Variants in CNTNAP5 observed in about 807,000 individuals in gnomAD.
CNTNAP5 encodes the protein contactin-associated protein-like 5.
In CNTNAP5, 72 loss-of-function variants were observed where a neutral mutation model predicts 150.2. That is an observed-to-expected ratio of 0.48 (90% confidence interval 0.40 to 0.58). The LOEUF is 0.58. Among genes scored for constraint, CNTNAP5 ranks in the 20% least tolerant of loss-of-function variants. The probability of loss-of-function intolerance (pLI) is 0.00; values close to 1 mark genes in which losing one functional copy is unlikely to be tolerated. For missense variants in CNTNAP5, 1,636 were observed against 1,626.2 expected (o/e 1.01, Z -0.10); for synonymous variants, 672 against 619.8 (o/e 1.08, Z -1.25).
rs757702932 is a variant in CNTNAP5 at position 124,504,344 on chromosome 2, T to C, written c.1115T>C (p.Val372Ala). Residue 372 changes from valine (V) to alanine (A), a missense_variant, in exon 8 of 24, where the codon GTC becomes GCC. Val to Ala is a moderately conservative substitution (Grantham distance 64, BLOSUM62 0). Coordinates refer to ENST00000682447, the MANE Select transcript of CNTNAP5 (RefSeq NM_001367498.1). The part of the protein sequence containing the change: ...SEPQIVPITF[V>A]NSSGSYLLLP... ...CCACAGATTGTGCCCATCACATTTG[T>C]CAACTCCAGCGGCAGCTATTTGCTG... is the stretch of plus-strand genomic sequence containing the variant. The C allele has an allele frequency of 6.2e-7, 1 of 1,613,956 alleles. No homozygotes were observed. Among genetic ancestry groups the C allele is most frequent in the Middle Eastern group, 1.6e-4 (1 of 6,062 alleles).
In CNTNAP5 at chr2:124,893,566, C is replaced by T. The variant is rs148562525; in HGVS notation, c.3437-9316C>T. Among the ~76,000 whole-genome samples, 291 of 152,122 alleles carry T rather than the reference C, an allele frequency of 1.9e-3. 2 individuals are homozygous for T. Among genetic ancestry groups the T allele is most frequent in the African/African-American group, 6.7e-3 (278 of 41,508 alleles). ...GGTGGAAGCTCCATAATTAGTGTCT[C>T]CTAGTATTATTATGGAGCAATAACT... On this transcript the variant is annotated intron_variant, in intron 21 of 23. Transcript: ENST00000682447.
intron 3 of CNTNAP5, among the ~76,000 whole-genome samples, chr2:124,262,450 A>T (rs779976): frequency 0.33 from 50,710 of 152,042 alleles, 8,841 homozygotes; most frequent in Admixed American, 0.41. Flanking sequence ...CTTTGCTAAC[A>T]TTGCTATTGC....
intron 18 of CNTNAP5, among the ~76,000 whole-genome samples, chr2:124,797,807 G>C (rs779654652): frequency 3.9e-5 from 6 of 152,230 alleles, no homozygotes; most frequent in African/African-American, 9.6e-5. Flanking sequence ...TTATTTTGCA[G>C]ATGTATGTAG....
intron 10 of CNTNAP5, among the ~76,000 whole-genome samples, chr2:124,537,586 G>A (rs957636249): frequency 3.5e-4 from 53 of 152,080 alleles, no homozygotes; most frequent in African/African-American, 1.2e-3. Context: ...CAGGCTTCAA[G>A]CTGACTTTGT....
intron 14 of CNTNAP5, among the ~76,000 whole-genome samples, chr2:124,753,717 G>A (rs1470194058): frequency 6.6e-6 from 1 of 152,136 alleles, no homozygotes. Context: ...TTTATTCACT[G>A]ATGGACGCTG....
chr2:124,566,162 T>A (rs1349647832), intron 11 of CNTNAP5, among the ~76,000 whole-genome samples: 1 of 151,748 alleles, frequency 6.6e-6, no homozygotes, highest in Non-Finnish European at 1.5e-5. Context: ...CTGTCCAGAT[T>A]GTAACGTCAG....
chr2:124,822,537 A>C (rs554471636), intron 19 of CNTNAP5, among the ~76,000 whole-genome samples: 1 of 152,344 alleles, frequency 6.6e-6, no homozygotes, highest in Admixed American at 6.5e-5. Context: ...AACGAGATGT[A>C]CTATTGCCAT....
chr2:124,102,688 G>A lies in CNTNAP5; in HGVS notation c.82+76956G>A, dbSNP rs144838548. Reference sequence around the variant, plus strand: ...GAGTCTCCTCCTCCCGGGAAAGCTGGTTTCTCCATCTGCGCTTGTGAACCC... The same window carrying A: ...GAGTCTCCTCCTCCCGGGAAAGCTGATTTCTCCATCTGCGCTTGTGAACCC... On this transcript the variant is annotated intron_variant, in intron 1 of 23. Coordinates refer to ENST00000682447, the MANE Select transcript of CNTNAP5 (RefSeq NM_001367498.1). 3.0e-4 allele frequency among the ~76,000 whole-genome samples: 46 copies of A among 152,288 alleles called. 1 individual carries two copies. The East Asian group carries it at 8.5e-3, about 28-fold the overall frequency.
In CNTNAP5 at chr2:124,239,493, A is replaced by G. The variant is rs549537099; in HGVS notation, c.188-2707A>G. ...AGCATCAGCTCCCAAATTGCTGTAC[A>G]TATTCTTTACGCAATAAATCACATA... On this transcript the variant is annotated intron_variant, in intron 2 of 23. Coordinates refer to ENST00000682447, the MANE Select transcript of CNTNAP5 (RefSeq NM_001367498.1). Among the ~76,000 whole-genome samples, 14 of 152,316 alleles carry G rather than the reference A, an allele frequency of 9.2e-5. No individual in the cohort carries two copies. In the East Asian group the frequency reaches 2.5e-3, roughly 27 times the overall value.
At chr2:124,079,721 G>A (rs1055987419) in intron 1 of CNTNAP5, among the ~76,000 whole-genome samples, 2 of 152,172 alleles carry the variant, frequency 1.3e-5, no homozygotes, top group Admixed American at 1.3e-4. Context: ...GCATGCGTGT[G>A]TATGTATACG....
chr2:124,676,711 G>A (rs1377398415), intron 13 of CNTNAP5, among the ~76,000 whole-genome samples: 1 of 152,174 alleles, frequency 6.6e-6, no homozygotes, highest in African/African-American at 2.4e-5. Flanking sequence ...GGTTTTCGAG[G>A]CTGCCATGGA....
chr2:124,911,793 C>T (rs915014355), intron 23 of CNTNAP5, among the ~76,000 whole-genome samples: 3 of 152,098 alleles, frequency 2.0e-5, no homozygotes, highest in African/African-American at 7.2e-5. Context: ...ACAGCTGGAG[C>T]ATTTACTTAC....
At chr2:124,302,968 G>A (rs907108011) in intron 3 of CNTNAP5, among the ~76,000 whole-genome samples, 2 of 152,114 alleles carry the variant, frequency 1.3e-5, no homozygotes, top group African/African-American at 2.4e-5. Flanking sequence ...GTTGCTCTTT[G>A]TTTTTTGTAT....
intron 1 of CNTNAP5, among the ~76,000 whole-genome samples, chr2:124,121,670 C>G (rs768876865): frequency 6.6e-6 from 1 of 152,090 alleles, no homozygotes; most frequent in African/African-American, 2.4e-5. Flanking sequence ...TTTTAAGACA[C>G]GAGACGTACC....
chr2:124,571,242 G>T (rs1696145657), intron 11 of CNTNAP5, among the ~76,000 whole-genome samples: 1 of 152,144 alleles, frequency 6.6e-6, no homozygotes, highest in Non-Finnish European at 1.5e-5. Flanking sequence ...AACTCTGGAG[G>T]GAGGTCCATA....
At chr2:124,258,069 C>G (rs1687358824) in intron 3 of CNTNAP5, among the ~76,000 whole-genome samples, 1 of 152,058 alleles carries the variant, frequency 6.6e-6, no homozygotes, top group Admixed American at 6.6e-5. Context: ...ACGTTAGCCC[C>G]CAAGTGAGAA....
intron 10 of CNTNAP5, among the ~76,000 whole-genome samples, chr2:124,529,779 G>A (rs1695062650): frequency 6.6e-6 from 1 of 152,116 alleles, no homozygotes; most frequent in Non-Finnish European, 1.5e-5. Context: ...AGCCCACAGA[G>A]GACAATCTGA....
At chr2:124,610,701 C>G (rs1677359663) in intron 12 of CNTNAP5, among the ~76,000 whole-genome samples, 1 of 151,934 alleles carries the variant, frequency 6.6e-6, no homozygotes, top group Non-Finnish European at 1.5e-5. Context: ...TGGCTCACGC[C>G]TGTAATCCCA....
At chr2:124,888,124 C>T (rs1463451166) in intron 21 of CNTNAP5, among the ~76,000 whole-genome samples, 1 of 152,014 alleles carries the variant, frequency 6.6e-6, no homozygotes, top group East Asian at 1.9e-4. Context: ...TTTTAATAGT[C>T]CTCAGTGTCT....
Sources: gnomAD v4.1 joint callset for allele counts (sites outside exome capture counted in the v4.1 genomes callset) on GRCh38, gnomAD v4.1.1 for gene constraint, MANE v1.5 for transcripts, NCBI Gene and HGNC (gene_info 2026-07-23, HGNC 2026-07-21) for gene names.